The following NMT2 variants were observed in gnomAD, a reference collection of about 807,000 sequenced individuals.
NMT2 encodes N-myristoyltransferase 2.
Under a neutral mutation model 65.4 loss-of-function variants are expected in NMT2, and 35 were observed. That is an observed-to-expected ratio of 0.54 (90% CI 0.41 to 0.71). The LOEUF is 0.71. NMT2 is among the 30% of genes least tolerant of loss of function. The pLI is 0.00. For synonymous variants in NMT2, 226 were observed against 231.8 expected (o/e 0.98, Z 0.23); for missense variants, 489 against 611.3 (o/e 0.80, Z 2.11).
At chr10:15,162,271 A>T (rs1833225742) in intron 1 of NMT2, among the ~76,000 whole-genome samples, 1 of 150,340 alleles carries the variant, frequency 6.7e-6, no homozygotes. Flanking sequence ...AAAAAAAAAA[A>T]AGTGTACAGA....
At position 15,168,685 on chromosome 10, in the gene NMT2, C is replaced by A. The variant is rs998545049; in HGVS notation, c.-73G>T. The A allele has an allele frequency of 2.8e-5, 32 of 1,156,934 alleles. No individual in the cohort carries two copies. The highest frequency in any genetic ancestry group is 2.6e-4 in the African/African-American group (16 of 62,346). The allele number at this position is 1,156,934 out of a possible 1,614,324, so 71.7% of individuals were successfully genotyped here. On this transcript the variant is annotated 5_prime_UTR_variant, in exon 1 of 12. Coordinates refer to ENST00000378165, the MANE Select transcript of NMT2 (RefSeq NM_004808.3). ...GGCCGCAGCTCCCTCTAGTGCCTCCCGCCGTACTGCTTGGAGTCGGAGCCC... is the reference window on the plus strand; with the variant it reads ...GGCCGCAGCTCCCTCTAGTGCCTCCAGCCGTACTGCTTGGAGTCGGAGCCC...
intron 1 of NMT2, among the ~76,000 whole-genome samples, chr10:15,146,419 C>T (rs1289466906): frequency 6.6e-6 from 1 of 152,234 alleles, no homozygotes; most frequent in Non-Finnish European, 1.5e-5. Context: ...TCGTTTCTCT[C>T]TCTGGACTCA....
At chr10:15,129,546 C>A (rs1846202924) in intron 7 of NMT2, among the ~76,000 whole-genome samples, 1 of 152,218 alleles carries the variant, frequency 6.6e-6, no homozygotes, top group Non-Finnish European at 1.5e-5. Flanking sequence ...TTTGGTGGTG[C>A]TGCAAAGCAT....
At chr10:15,118,960 G>T (rs999666022) in intron 9 of NMT2, among the ~76,000 whole-genome samples, 1 of 152,332 alleles carries the variant, frequency 6.6e-6, no homozygotes, top group East Asian at 1.9e-4. Flanking sequence ...TCAGAAATCT[G>T]TGAGGTCAAA....
intron 9 of NMT2, among the ~76,000 whole-genome samples, chr10:15,115,673 C>A (rs944075396): frequency 6.6e-6 from 1 of 152,178 alleles, no homozygotes; most frequent in Non-Finnish European, 1.5e-5. Context: ...GGTAAAGAAA[C>A]ATGACCCAGC....
chr10:15,159,878 G>A (rs890275761), intron 1 of NMT2, among the ~76,000 whole-genome samples: 1 of 152,208 alleles, frequency 6.6e-6, no homozygotes, highest in African/African-American at 2.4e-5. Flanking sequence ...GTCTTCCCGA[G>A]CAGAGGGCTG....
chr10:15,157,456 G>C (rs371562308), intron 1 of NMT2, among the ~76,000 whole-genome samples: 8 of 152,270 alleles, frequency 5.3e-5, no homozygotes, highest in Middle Eastern at 3.4e-3. Flanking sequence ...ACCAGATTCC[G>C]TGGGCCATGT....
chr10:15,107,628 A>T lies in NMT2; in HGVS notation c.*1567T>A, dbSNP rs1158393717. 3 of 468,900 alleles carry T rather than the reference A, an allele frequency of 6.4e-6. No individual in the cohort carries two copies. The highest frequency in any genetic ancestry group is 8.4e-6 in the Non-Finnish European group (3 of 359,054). 29.0% of individuals were successfully genotyped at this position (468,900 alleles called of 1,614,324 possible). A position where few individuals can be genotyped will look rare whatever the true frequency, so the allele number is the denominator to read the frequency against. On this transcript the variant is annotated 3_prime_UTR_variant, in exon 12 of 12. Transcript: ENST00000378165. ...CACCACACCCAGCTAGTTCTTTTTG[A>T]ATTTTTAGTAGAGATGGGGTTTCAC...
At chr10:15,150,760 C>T (rs972593452) in intron 1 of NMT2, among the ~76,000 whole-genome samples, 18 of 152,126 alleles carry the variant, frequency 1.2e-4, no homozygotes, top group African/African-American at 4.1e-4. Flanking sequence ...GTGACTGAGA[C>T]TAGCCAATAA....
chr10:15,160,221 C>T (rs1010182121), intron 1 of NMT2, among the ~76,000 whole-genome samples: 1 of 152,214 alleles, frequency 6.6e-6, no homozygotes, highest in Non-Finnish European at 1.5e-5. Context: ...GCCACAAACG[C>T]TTCAGCAAAT....
At chr10:15,164,711 A>T (rs1277499728) in intron 1 of NMT2, among the ~76,000 whole-genome samples, 1 of 152,218 alleles carries the variant, frequency 6.6e-6, no homozygotes, top group East Asian at 1.9e-4. Context: ...TGAGCATCTT[A>T]ACCTCAGATC....
chr10:15,168,356 T>A, intron 1 of NMT2, 147 bp downstream of exon 1: 1 of 411,440 alleles, frequency 2.4e-6, no homozygotes, highest in Non-Finnish European at 4.2e-6. Context: ...GCCCCGGACC[T>A]CACCATGGGC....
chr10:15,141,191 G>A, intron 2 of NMT2: 1 of 811,976 alleles, frequency 1.2e-6, no homozygotes, highest in Non-Finnish European at 1.9e-6. Flanking sequence ...CTGAGAAAAG[G>A]GAAAAACACA....
At chr10:15,135,775 T>TGGG (rs201720742) in intron 2 of NMT2, among the ~76,000 whole-genome samples, 2 of 151,048 alleles carry the variant, frequency 1.3e-5, no homozygotes, top group South Asian at 2.1e-4. Flanking sequence ...CCACGAGCCT[T>TGGG]GGGTGGGGGG....
chr10:15,167,396 A>T (rs1833411850), intron 1 of NMT2, among the ~76,000 whole-genome samples: 1 of 152,224 alleles, frequency 6.6e-6, no homozygotes, highest in Non-Finnish European at 1.5e-5. Context: ...AATGATTTAC[A>T]CTTTCAATGA....
intron 2 of NMT2, among the ~76,000 whole-genome samples, chr10:15,140,548 C>T (rs990790678): frequency 2.6e-5 from 4 of 151,410 alleles, no homozygotes; most frequent in Middle Eastern, 3.4e-3. Flanking sequence ...GCCAGGGTCT[C>T]TCACTGTTGT....
intron 10 of NMT2, among the ~76,000 whole-genome samples, chr10:15,111,097 C>T (rs1384496974): frequency 6.6e-6 from 1 of 151,980 alleles, no homozygotes; most frequent in Non-Finnish European, 1.5e-5. Context: ...CAGCCTCGTT[C>T]TTGTTTTAGA....
chr10:15,112,676 G>GT (rs2131471964), intron 10 of NMT2, 120 bp downstream of exon 10: 2 of 975,946 alleles, frequency 2.0e-6, no homozygotes, highest in Non-Finnish European at 2.9e-6. Flanking sequence ...ATGATCAATA[G>GT]TTTTTTTAAA....
chr10:15,155,739 T>C (rs1052888180), intron 1 of NMT2, among the ~76,000 whole-genome samples: 1 of 152,032 alleles, frequency 6.6e-6, no homozygotes, highest in Non-Finnish European at 1.5e-5. Flanking sequence ...TTGAGAACTT[T>C]CACCTTTTCA....
Sources: allele counts gnomAD v4.1 joint callset (sites outside exome capture counted in the v4.1 genomes callset), GRCh38; gene constraint gnomAD v4.1.1; transcripts MANE v1.5; gene names NCBI Gene and HGNC (gene_info 2026-07-23, HGNC 2026-07-21).